PRKCB: variants seen among roughly 807,000 people sequenced by gnomAD.
PRKCB encodes the protein protein kinase C beta.
A neutral mutation model predicts 81.5 loss-of-function variants in PRKCB; 13 were observed. The observed-to-expected ratio is 0.16, with a 90% CI of 0.10 to 0.25. The LOEUF (loss-of-function observed/expected upper bound fraction) is 0.25. Ranked by LOEUF, PRKCB falls within the 10% of genes least tolerant of loss-of-function variation. The probability of loss-of-function intolerance (pLI) is 1.00; values close to 1 mark genes in which losing one functional copy is unlikely to be tolerated. For synonymous variants in PRKCB, 335 were observed against 321.4 expected, an observed-to-expected ratio of 1.04 and a Z score of -0.45; for missense variants, 509 against 875.7, an observed-to-expected ratio of 0.58 and a Z score of 5.29.
At chr16:24,058,461 G>A (rs1053469495) in intron 5 of PRKCB, among the ~76,000 whole-genome samples, 1 of 151,960 alleles carries the variant, frequency 6.6e-6, no homozygotes, top group African/African-American at 2.4e-5. Flanking sequence ...AGGCAGAAGT[G>A]TAACCACACA....
At chr16:23,957,041 T>C (rs1179071531) in intron 2 of PRKCB, among the ~76,000 whole-genome samples, 1 of 147,134 alleles carries the variant, frequency 6.8e-6, no homozygotes, top group South Asian at 2.2e-4. Context: ...CATACTTCTG[T>C]AACCTTGAGT....
chr16:24,076,597 G>A lies in PRKCB; in HGVS notation c.530-16194G>A, dbSNP rs1016812835. On this transcript the variant is annotated intron_variant, in intron 5 of 16. Transcript: ENST00000643927. The stretch of plus-strand genomic sequence containing the variant: ...CTAGCTGCATGGTCTGGGGGGAGGA[G>A]CCTCAGGGTACAAGTGACAGAATTC... Among the ~76,000 whole-genome samples the A allele has an allele frequency of 7.9e-5, 12 of 152,322 alleles. No homozygotes were observed. In the South Asian group the frequency reaches 2.5e-3, roughly 32 times the overall value.
chr16:23,955,897 C>T (rs1040514912), intron 2 of PRKCB, among the ~76,000 whole-genome samples: 20 of 152,062 alleles, frequency 1.3e-4, no homozygotes, highest in Admixed American at 1.3e-3. Flanking sequence ...GAGATACTCA[C>T]CTTGATTCAT....
intron 3 of PRKCB, among the ~76,000 whole-genome samples, chr16:24,022,742 C>T (rs570536996): frequency 3.9e-5 from 6 of 152,240 alleles, no homozygotes; most frequent in Non-Finnish European, 8.8e-5. Context: ...ATCCGCCTGC[C>T]TCGGACTCCC....
At chr16:23,960,677 G>A (rs1241723684) in intron 2 of PRKCB, among the ~76,000 whole-genome samples, 2 of 152,130 alleles carry the variant, frequency 1.3e-5, no homozygotes, top group Non-Finnish European at 2.9e-5. Flanking sequence ...ACCACCAAAT[G>A]TCCATGTGTT....
At chr16:24,006,614 G>A (rs9938849) in intron 3 of PRKCB, among the ~76,000 whole-genome samples, 26,448 of 152,118 alleles carry the variant, frequency 0.17, 3,385 homozygotes, top group African/African-American at 0.36. Context: ...CCTTCAGAGC[G>A]TTGAAAGAAA....
intron 9 of PRKCB, among the ~76,000 whole-genome samples, chr16:24,149,525 A>G (rs552731216): frequency 6.6e-6 from 1 of 152,352 alleles, no homozygotes; most frequent in South Asian, 2.1e-4. Context: ...TCTCCTAGCC[A>G]CCTTATTAAA....
intron 3 of PRKCB, among the ~76,000 whole-genome samples, chr16:24,025,570 G>A (rs900765839): frequency 6.6e-6 from 1 of 152,228 alleles, no homozygotes; most frequent in Non-Finnish European, 1.5e-5. Context: ...GCAGTGAAGT[G>A]TGGAAGAGAT....
intron 15 of PRKCB, among the ~76,000 whole-genome samples, chr16:24,189,856 A>G (rs1967763323): frequency 1.3e-5 from 2 of 152,204 alleles, no homozygotes; most frequent in Non-Finnish European, 2.9e-5. Context: ...AGTCCTGGGC[A>G]GAAGATTCTG....
At chr16:24,213,652 G>A (rs1444732065) in intron 16 of PRKCB, among the ~76,000 whole-genome samples, 8 of 152,158 alleles carry the variant, frequency 5.3e-5, no homozygotes, top group East Asian at 3.9e-4. Flanking sequence ...TGGTTACCTC[G>A]TAGAGATACT....
At chr16:23,957,044 C>T (rs887608211) in intron 2 of PRKCB, among the ~76,000 whole-genome samples, 1 of 143,308 alleles carries the variant, frequency 7.0e-6, no homozygotes, top group Non-Finnish European at 1.5e-5. Flanking sequence ...ACTTCTGTAA[C>T]CTTGAGTGAG....
chr16:24,118,416 C>G (rs1278616908), intron 8 of PRKCB, among the ~76,000 whole-genome samples: 1 of 152,198 alleles, frequency 6.6e-6, no homozygotes, highest in Non-Finnish European at 1.5e-5. Context: ...TCTTTCTGGG[C>G]TTTGGAAGGG....
chr16:23,944,430 C>T (rs765803473), intron 2 of PRKCB, among the ~76,000 whole-genome samples: 7 of 151,418 alleles, frequency 4.6e-5, no homozygotes, highest in Admixed American at 1.3e-4. Flanking sequence ...TTTTATTCAC[C>T]CTGCTGTGGG....
In PRKCB at chr16:23,981,608, TCCTTTC is replaced by T. The variant is rs371800148; in HGVS notation, c.206-6889_206-6884del. Among the ~76,000 whole-genome samples, 390 of 147,010 alleles carry T rather than the reference TCCTTTC, an allele frequency of 2.7e-3. 4 individuals carry two copies. Among genetic ancestry groups the T allele is most frequent in the African/African-American group, 9.0e-3 (355 of 39,660 alleles). On this transcript the variant is annotated intron_variant, in intron 2 of 16. Coordinates refer to ENST00000643927, the MANE Select transcript of PRKCB (RefSeq NM_002738.7). ...TCCTTTCCTTCCCTTCCCTTCCCTT[TCCTTTC>T]CCTTTCCCTTCCCTTTTTTCCCTTT...
intron 5 of PRKCB, among the ~76,000 whole-genome samples, chr16:24,069,463 C>T (rs1023439748): frequency 9.9e-5 from 15 of 152,080 alleles, no homozygotes; most frequent in Admixed American, 3.3e-4. Context: ...GTGCCTGGGT[C>T]TGAGCGTGGT....
chr16:23,843,183 A>G lies in PRKCB; in HGVS notation c.205+5777A>G, dbSNP rs368831416. On this transcript the variant is annotated intron_variant, in intron 2 of 16. Transcript: ENST00000643927. ...GCAGTGTTCCCTAGAAACTTATAAT[A>G]TGGCCCCATGCACTTCAGGTTGAAT... is the stretch of plus-strand genomic sequence containing the variant. 5.2e-4 allele frequency among the ~76,000 whole-genome samples: 79 copies of G among 152,328 alleles called. 4 individuals are homozygous for G. The South Asian group carries it at 8.3e-3, about 16-fold the overall frequency.
intron 2 of PRKCB, among the ~76,000 whole-genome samples, chr16:23,924,006 T>C (rs537655179): frequency 2.0e-5 from 3 of 152,062 alleles, no homozygotes; most frequent in Non-Finnish European, 4.4e-5. Context: ...GCAAGTCACA[T>C]TGTGATATGA....
chr16:23,873,578 C>A (rs1239748479), intron 2 of PRKCB, among the ~76,000 whole-genome samples: 1 of 152,150 alleles, frequency 6.6e-6, no homozygotes, highest in Non-Finnish European at 1.5e-5. Context: ...GCTTTCTGGC[C>A]ATACTTCACA....
rs78240632 is a variant in PRKCB, at chr16:24,153,892, G to A, written c.1066-792G>A. ...TTTATTGCTGTATCCCCAGTGCTTA[G>A]CAGGTTCTTAGTGAACATTAAATAC... On this transcript the variant is annotated intron_variant, in intron 9 of 16. Transcript: ENST00000643927. Among the ~76,000 whole-genome samples the A allele has an allele frequency of 5.5e-3, 836 of 152,328 alleles. 6 individuals carry two copies. Among genetic ancestry groups the A allele is most frequent in the African/African-American group, 0.019 (809 of 41,560 alleles).
Sources: allele counts gnomAD v4.1 joint callset (sites outside exome capture counted in the v4.1 genomes callset), GRCh38; gene constraint gnomAD v4.1.1; transcripts MANE v1.5; gene names NCBI Gene and HGNC (gene_info 2026-07-23, HGNC 2026-07-21).